Variants in CMIP observed in about 807,000 individuals in gnomAD.
CMIP encodes the protein c-Maf inducing protein, also known as C-Maf-inducing protein.
Under a neutral mutation model 97.3 loss-of-function variants are expected in CMIP, and 13 were observed. The observed-to-expected ratio is 0.13, with a 90% CI of 0.09 to 0.21. The LOEUF is 0.21. Among genes scored for constraint, CMIP ranks in the 10% least tolerant of loss-of-function variants. The pLI, the probability that CMIP is intolerant of heterozygous loss-of-function variation, is 1.00. For synonymous variants in CMIP, 538 were observed against 436.3 expected, an observed-to-expected ratio of 1.23 and a Z score of -2.91; for missense variants, 847 against 1,024.9, an observed-to-expected ratio of 0.83 and a Z score of 2.37.
chr16:81,495,129 C>T (rs2150770469), intron 1 of CMIP, among the ~76,000 whole-genome samples: 1 of 152,332 alleles, frequency 6.6e-6, no homozygotes, highest in Non-Finnish European at 1.5e-5. Flanking sequence ...CTGTCCGTGG[C>T]ATAGGTTTGC....
chr16:81,628,840 G>C (rs1294636688), intron 3 of CMIP, among the ~76,000 whole-genome samples: 1 of 152,056 alleles, frequency 6.6e-6, no homozygotes, highest in African/African-American at 2.4e-5. Flanking sequence ...ATCACCACTA[G>C]GGTTATGTGA....
At position 81,699,757 on chromosome 16, in the gene CMIP, C is replaced by A; in HGVS notation, c.1711C>A (p.Pro571Thr). The A allele has an allele frequency of 6.2e-7, 1 of 1,613,672 alleles. No homozygotes were observed. The highest frequency in any genetic ancestry group is 1.1e-5 in the South Asian group (1 of 91,026). ...LLSLAENKLG[P>T]CMLLALRGNQ... ...CTCCCTGGCAGAAAACAAGCTGGGT[C>A]CCTGCATGCTCCTGGCACTGAGGGG... Residue 571 changes from proline (P) to threonine (T), a missense_variant, in exon 15 of 21, where the codon CCC (proline) becomes ACC (threonine). Coordinates refer to ENST00000537098, the MANE Select transcript of CMIP (RefSeq NM_198390.3).
chr16:81,648,328 C>T (rs9924179), intron 3 of CMIP, among the ~76,000 whole-genome samples: 4,436 of 152,032 alleles, frequency 0.029, 217 homozygotes, highest in African/African-American at 0.1. Context: ...CTTCTGTGCA[C>T]AGAGAACACC....
chr16:81,445,369 C>T lies in CMIP; in HGVS notation c.128C>T (p.Ala43Val). 1 of 1,604,700 alleles carries T rather than the reference C, an allele frequency of 6.2e-7. No homozygotes were observed. Among genetic ancestry groups the T allele is most frequent in the Non-Finnish European group, 8.5e-7 (1 of 1,175,950 alleles). Residue 43 changes from alanine (A) to valine (V), a missense_variant, in exon 1 of 21, where the codon GCT becomes GTT. Physicochemically the swap from Ala to Val is moderately conservative, Grantham distance 64. Around this residue, in one of 4 missense-constraint regions of CMIP, gnomAD observed 94 missense variants for 79.9 expected, o/e 1.18. Transcript: ENST00000537098. Reference sequence around the variant, plus strand: ...ATGGGCGCCGTGCCCTGCCGCCGGGCTCTTCTGCTTTGCAACGGGATGAGG... The same window carrying T: ...ATGGGCGCCGTGCCCTGCCGCCGGGTTCTTCTGCTTTGCAACGGGATGAGG... ...TKMGAVPCRR[A>V]LLLCNGMRYK...
At chr16:81,523,459 G>A (rs1281742455) in intron 1 of CMIP, among the ~76,000 whole-genome samples, 1 of 152,170 alleles carries the variant, frequency 6.6e-6, no homozygotes, top group African/African-American at 2.4e-5. Flanking sequence ...CGCAAGGTGG[G>A]TCTGGTACCC....
intron 1 of CMIP, among the ~76,000 whole-genome samples, chr16:81,576,272 T>C (rs887278145): frequency 1.3e-5 from 2 of 151,968 alleles, no homozygotes; most frequent in Non-Finnish European, 2.9e-5. Context: ...GGTGTGATGG[T>C]GCACACCTGT....
chr16:81,500,659 T>C (rs1317029750), intron 1 of CMIP, among the ~76,000 whole-genome samples: 1 of 151,840 alleles, frequency 6.6e-6, no homozygotes, highest in Non-Finnish European at 1.5e-5. Context: ...CAGCTAATTT[T>C]TGTATTTTTA....
At chr16:81,648,172 ATATCCT>A (rs2092387233) in intron 3 of CMIP, among the ~76,000 whole-genome samples, 1 of 129,108 alleles carries the variant, frequency 7.7e-6, no homozygotes, top group Non-Finnish European at 1.8e-5. Flanking sequence ...GGCAAATCTG[ATATCCT>A]CTTCACCCGA....
Position 81,710,234 on chromosome 16 carries a change from C to T in CMIP, c.*435C>T, listed in dbSNP as rs1016108199. 1.2e-4 allele frequency: 25 copies of T among 212,482 alleles called. No homozygotes were observed. Among genetic ancestry groups the T allele is most frequent in the African/African-American group, 5.5e-4 (24 of 43,656 alleles). The allele number at this position is 212,482 out of a possible 1,614,324, so 13.2% of individuals were successfully genotyped here. ...CTCCGAGCTGAGCTGCGAACTCGCC[C>T]CCCGCCCTTGGGACAAGAAGACCCA... On this transcript the variant is annotated 3_prime_UTR_variant, in exon 21 of 21. Coordinates refer to ENST00000537098, the MANE Select transcript of CMIP (RefSeq NM_198390.3).
intron 1 of CMIP, among the ~76,000 whole-genome samples, chr16:81,498,875 A>G (rs192511478): frequency 3.9e-5 from 6 of 152,286 alleles, no homozygotes; most frequent in African/African-American, 7.2e-5. Flanking sequence ...CTCTCCATAC[A>G]TACAGGTTCC....
At chr16:81,531,778 C>T (rs4889333) in intron 1 of CMIP, among the ~76,000 whole-genome samples, 59,371 of 152,070 alleles carry the variant, frequency 0.39, 12,886 homozygotes, top group Non-Finnish European at 0.49. Context: ...CTGATTCAAA[C>T]CATGTCACCA....
chr16:81,553,401 G>A (rs1441807721), intron 1 of CMIP, among the ~76,000 whole-genome samples: 3 of 152,174 alleles, frequency 2.0e-5, no homozygotes, highest in East Asian at 3.9e-4. Context: ...AGGCTGGGTC[G>A]CTGTTTGCAC....
intron 1 of CMIP, among the ~76,000 whole-genome samples, chr16:81,552,943 A>G (rs2090687908): frequency 6.6e-6 from 1 of 152,210 alleles, no homozygotes; most frequent in Admixed American, 6.5e-5. Flanking sequence ...GACCTTCAGC[A>G]GAGACTTCCA....
intron 1 of CMIP, among the ~76,000 whole-genome samples, chr16:81,523,459 G>T (rs1281742455): frequency 6.6e-6 from 1 of 152,170 alleles, no homozygotes; most frequent in Non-Finnish European, 1.5e-5. Context: ...CGCAAGGTGG[G>T]TCTGGTACCC....
Position 81,488,486 on chromosome 16 carries a change from C to T in CMIP, c.300+42945C>T, listed in dbSNP as rs530414251. On this transcript the variant is annotated intron_variant, in intron 1 of 20. Transcript: ENST00000537098. ...GTGTGCTGTTAGCCATCATTGTAGT[C>T]ATCCACTCATTCCACCTGCAGGTTT... 2.6e-5 allele frequency among the ~76,000 whole-genome samples: 4 copies of T among 152,308 alleles called. No individual in the cohort carries two copies. In the East Asian group the frequency reaches 7.7e-4, roughly 29 times the overall value.
intron 3 of CMIP, among the ~76,000 whole-genome samples, chr16:81,637,009 C>T (rs1314477403): frequency 1.3e-5 from 2 of 152,194 alleles, no homozygotes; most frequent in African/African-American, 4.8e-5. Context: ...TTTGCTGTTG[C>T]ACTGTGGGGG....
At chr16:81,581,544 G>A (rs534686684) in intron 1 of CMIP, among the ~76,000 whole-genome samples, 7 of 152,282 alleles carry the variant, frequency 4.6e-5, no homozygotes, top group East Asian at 1.9e-4. Flanking sequence ...TTATGGAACC[G>A]CAGTCATAAA....
At chr16:81,636,010 G>T (rs78943469) in intron 3 of CMIP, among the ~76,000 whole-genome samples, 7,569 of 152,214 alleles carry the variant, frequency 0.05, 410 homozygotes, top group East Asian at 0.2. Flanking sequence ...AGGTTAAAAA[G>T]AAGAAAGCCA....
chr16:81,481,529 C>T (rs568576549), intron 1 of CMIP, among the ~76,000 whole-genome samples: 2 of 152,248 alleles, frequency 1.3e-5, no homozygotes, highest in South Asian at 2.1e-4. Flanking sequence ...GGAGCATCTG[C>T]GTGGGATGGG....
Sources: gnomAD v4.1 joint callset for allele counts (sites outside exome capture counted in the v4.1 genomes callset) on GRCh38, gnomAD v4.1.1 for gene constraint, gnomAD v4.1.1 regional missense constraint, MANE v1.5 for transcripts, NCBI Gene and HGNC (gene_info 2026-07-23, HGNC 2026-07-21) for gene names.